Variants in ABCB1 observed in about 807,000 individuals in gnomAD.
The protein encoded by ABCB1 is ATP binding cassette subfamily B member 1.
A neutral mutation model predicts 142.0 loss-of-function variants in ABCB1; 69 were observed. The observed-to-expected ratio is 0.49, with a 90% CI of 0.40 to 0.59. ABCB1 has a LOEUF of 0.59. Ranked by LOEUF, ABCB1 falls within the 20% of genes least tolerant of loss-of-function variation. ABCB1 has a pLI of 0.00. For synonymous variants in ABCB1, 532 were observed against 539.2 expected, an observed-to-expected ratio of 0.99 and a Z score of 0.18; for missense variants, 1,326 against 1,554.7, an observed-to-expected ratio of 0.85 and a Z score of 2.47.
At chr7:87,650,708 T>C (rs1823487123) in intron 1 of ABCB1, 1 of 684,160 alleles carries the variant, frequency 1.5e-6, no homozygotes. Context: ...TCAGATGTTA[T>C]ACTCTTGTAA....
At position 87,516,554 on chromosome 7, in the gene ABCB1, T is replaced by C. The variant is rs765970394; in HGVS notation, c.3039A>G (p.Glu1013=). ...TGTAGCTGTCAATCAAAGGGGTTTT[T>C]TCAATGATCATGATGATGTGGGCTG... ...ISAAHIIMII[E]KTPLIDSYST... The change falls in exon 24 of 28, where the codon GAA becomes GAG. Residue 1013 remains glutamate (E), a synonymous_variant. Transcript: ENST00000622132. The C allele has an allele frequency of 6.2e-7, 1 of 1,614,214 alleles. No individual in the cohort carries two copies. Among genetic ancestry groups the C allele is most frequent in the Non-Finnish European group, 8.5e-7 (1 of 1,180,038 alleles).
At chr7:87,564,457 C>G (rs1006437562) in intron 7 of ABCB1, among the ~76,000 whole-genome samples, 3 of 152,100 alleles carry the variant, frequency 2.0e-5, no homozygotes, top group Non-Finnish European at 4.4e-5. Flanking sequence ...CCTCTAGTGG[C>G]CCAGTGTCTC....
At chr7:87,578,817 C>G (rs949903556) in intron 4 of ABCB1, among the ~76,000 whole-genome samples, 11 of 151,412 alleles carry the variant, frequency 7.3e-5, no homozygotes, top group Non-Finnish European at 1.2e-4. Context: ...CCTCAGCCTC[C>G]CAAGTAGCTG....
At position 87,503,784 on chromosome 7, in the gene ABCB1, T is replaced by C. The variant is rs1416895425; in HGVS notation, c.*459A>G. On this transcript the variant is annotated 3_prime_UTR_variant, in exon 28 of 28. Coordinates refer to ENST00000622132, the MANE Select transcript of ABCB1 (RefSeq NM_001348946.2). Reference sequence around the variant, plus strand: ...TGAGTAGGTATATTTAAAGAAAACTTTTTTAAAGCAGAAGTTATCTACAAT... The same window carrying C: ...TGAGTAGGTATATTTAAAGAAAACTCTTTTAAAGCAGAAGTTATCTACAAT... 4.9e-6 allele frequency: 1 copy of C among 203,966 alleles called. No individual in the cohort carries two copies. Among genetic ancestry groups the C allele is most frequent in the East Asian group, 1.3e-4 (1 of 7,978 alleles). The allele number at this position is 203,966 out of a possible 1,614,324, so 12.6% of individuals were successfully genotyped here. A position where few individuals can be genotyped will look rare whatever the true frequency, so the allele number is the denominator to read the frequency against.
At chr7:87,703,885 C>CTTTTTTTTTTTTTTTTTTTTTTTTGTTT (rs1829311805) in intron 1 of ABCB1, among the ~76,000 whole-genome samples, 1 of 60,284 alleles carries the variant, frequency 1.7e-5, no homozygotes, top group African/African-American at 6.3e-5. Context: ...TCAGTTTTTT[C>CTTTTTTTTTTTTTTTTTTTTTTTTGTTT]TTTTTTTTTT....
intron 21 of ABCB1, among the ~76,000 whole-genome samples, chr7:87,526,779 G>C (rs984131465): frequency 3.3e-5 from 5 of 152,160 alleles, no homozygotes; most frequent in African/African-American, 1.2e-4. Flanking sequence ...ATGCCTTCTT[G>C]TTGTACAACC....
intron 16 of ABCB1, 88 bp from the exon 17 acceptor site, chr7:87,544,363 T>C (rs1020170048): frequency 7.9e-7 from 1 of 1,268,580 alleles, no homozygotes; most frequent in Admixed American, 1.8e-5. Flanking sequence ...TAAAGGAATA[T>C]ATCCTATCCT....
intron 19 of ABCB1, among the ~76,000 whole-genome samples, chr7:87,536,758 C>T (rs866056239): frequency 4.6e-5 from 7 of 152,192 alleles, no homozygotes; most frequent in Non-Finnish European, 7.3e-5. Context: ...CTTTCTCCTA[C>T]GCATGATTTC....
In ABCB1 at chr7:87,550,537, T is replaced by C; in HGVS notation, c.1155A>G (p.Pro385=). ...ATTCCAAATTTCCCTTAATATTATC[T>C]GGTTTGTGCCCACTCTTCGAATAGC... is the stretch of plus-strand genomic sequence containing the variant. ...IDSYSKSGHK[P]DNIKGNLEFR... is the part of the protein sequence containing the mutation. The change falls in exon 11 of 28, where the codon CCA becomes CCG. Residue 385 remains proline (P), a synonymous_variant. Coordinates refer to ENST00000622132, the MANE Select transcript of ABCB1 (RefSeq NM_001348946.2). 3 of 1,613,620 alleles carry C rather than the reference T, an allele frequency of 1.9e-6. No individual in the cohort carries two copies. Among genetic ancestry groups the C allele is most frequent in the Non-Finnish European group, 8.5e-7 (1 of 1,180,012 alleles).
intron 8 of ABCB1, among the ~76,000 whole-genome samples, chr7:87,559,487 G>T (rs890521261): frequency 1.1e-4 from 16 of 151,784 alleles, no homozygotes; most frequent in African/African-American, 3.9e-4. Context: ...TCTTTTTAAA[G>T]AATTAGTTTA....
At chr7:87,505,807 T>C in intron 27 of ABCB1, 90 bp downstream of exon 27, 4 of 1,476,796 alleles carry the variant, frequency 2.7e-6, no homozygotes, top group Non-Finnish European at 3.8e-6. Flanking sequence ...CTGTCAATAA[T>C]CTGGCTGCAT....
At chr7:87,508,943 C>T (rs1395004934) in intron 26 of ABCB1, among the ~76,000 whole-genome samples, 2 of 152,206 alleles carry the variant, frequency 1.3e-5, no homozygotes, top group African/African-American at 4.8e-5. Context: ...AGATATTGTA[C>T]TTACCCCTAA....
intron 1 of ABCB1, among the ~76,000 whole-genome samples, chr7:87,684,429 T>C (rs868436291): frequency 2.0e-5 from 3 of 152,194 alleles, no homozygotes; most frequent in Non-Finnish European, 4.4e-5. Context: ...TTTTAAGACT[T>C]ACTGTTAAGA....
intron 1 of ABCB1, among the ~76,000 whole-genome samples, chr7:87,706,602 A>G (rs1829608520): frequency 1.3e-5 from 2 of 152,180 alleles, no homozygotes; most frequent in African/African-American, 2.4e-5. Flanking sequence ...TCCTGGAGAG[A>G]TGGATATTAC....
At position 87,561,351 on chromosome 7, in the gene ABCB1, A is replaced by G. The variant is rs1242341613; in HGVS notation, c.739T>C (p.Tyr247His). The change falls in exon 8 of 28, where the codon TAT becomes CAT. Residue 247 changes from tyrosine to histidine, a missense_variant. Tyr to His is a moderately conservative substitution (Grantham distance 83). Coordinates refer to ENST00000622132, the MANE Select transcript of ABCB1 (RefSeq NM_001348946.2). ...SSFTDKELLAYAKAGAVAEEV... is the reference protein window; with the variant it reads ...SSFTDKELLAHAKAGAVAEEV... The stretch of plus-strand genomic sequence containing the variant: ...TCAGCTACTGCTCCAGCTTTTGCAT[A>G]CGCTAAGAGTTCTTTATCAGTAAAT... 6.2e-7 allele frequency: 1 copy of G among 1,613,866 alleles called. No homozygotes were observed. Among genetic ancestry groups the G allele is most frequent in the Non-Finnish European group, 8.5e-7 (1 of 1,179,822 alleles).
At position 87,703,897 on chromosome 7, in the gene ABCB1, T is replaced by C. The variant is rs1356526298; in HGVS notation, c.-331+9264A>G. On this transcript the variant is annotated intron_variant, in intron 1 of 28. Transcript: ENST00000265724. ...TTATCAGTTTTTTCTTTTTTTTTTT[T>C]TTTTTTTTTTTTTTTGGTTTTTTTT... Among the ~76,000 whole-genome samples the C allele has an allele frequency of 6.5e-4, 73 of 112,698 alleles. No individual in the cohort carries two copies. The East Asian group carries it at 0.018, about 28-fold the overall frequency. The allele number at this position is 112,698 out of a possible 152,430, so 73.9% of individuals were successfully genotyped here. A position where few individuals can be genotyped will look rare whatever the true frequency, so the allele number is the denominator to read the frequency against.
intron 2 of ABCB1, among the ~76,000 whole-genome samples, chr7:87,599,914 A>T (rs2129999978): frequency 6.6e-6 from 1 of 152,324 alleles, no homozygotes; most frequent in South Asian, 2.1e-4. Context: ...AGAACAAAAA[A>T]GACAGGGAAA....
At chr7:87,517,851 C>G (rs1815321318) in intron 23 of ABCB1, among the ~76,000 whole-genome samples, 4 of 152,198 alleles carry the variant, frequency 2.6e-5, no homozygotes, top group Admixed American at 2.6e-4. Flanking sequence ...TGGACACCTC[C>G]CCTAAATTGG....
chr7:87,550,154 C>T lies in ABCB1; in HGVS notation c.1350+17G>A, dbSNP rs34767983. ...CTGCTGATCACCGCAGGGTCTAGCT[C>T]GCATGGGTCATCTCACCATCCCCTC... On this transcript the variant is annotated intron_variant, in intron 12 of 27. Transcript: ENST00000622132. 1.1e-3 allele frequency: 1,733 copies of T among 1,614,152 alleles called. 4 individuals are homozygous for T. Among genetic ancestry groups the T allele is most frequent in the African/African-American group, 0.01 (777 of 75,058 alleles).
Sources: allele counts gnomAD v4.1 joint callset (sites outside exome capture counted in the v4.1 genomes callset), GRCh38; gene constraint gnomAD v4.1.1; transcripts MANE v1.5; gene names NCBI Gene and HGNC (gene_info 2026-07-23, HGNC 2026-07-21).